Variants in MIR17HG observed in about 807,000 individuals in gnomAD.
MIR17HG encodes miR-17-92a-1 cluster host gene.
At chr13:91,352,720 A>G (rs1875379927) in intron 3 of MIR17HG, among the ~76,000 whole-genome samples, 1 of 152,244 alleles carries the variant, frequency 6.6e-6, no homozygotes, top group Non-Finnish European at 1.5e-5. Flanking sequence ...ATCAAATTGT[A>G]CATTAGCAGA....
At chr13:91,350,513 TGTTAGA>T (rs1267250692) in intron 3 of MIR17HG, 2 of 522,432 alleles carry the variant, frequency 3.8e-6, no homozygotes, top group Non-Finnish European at 7.9e-6. Context: ...GGTTTATAGT[TGTTAGA>T]GTTTGAGGTG....
At chr13:91,349,333 A>G (rs998556745) in intron 1 of MIR17HG, among the ~76,000 whole-genome samples, 1 of 151,896 alleles carries the variant, frequency 6.6e-6, no homozygotes, top group Admixed American at 6.6e-5. Context: ...GCTTGCAGCC[A>G]CGAGGTCTTG....
intron 1 of MIR17HG, among the ~76,000 whole-genome samples, chr13:91,348,357 C>G (rs1875076227): frequency 6.6e-6 from 1 of 150,656 alleles, no homozygotes; most frequent in Admixed American, 6.6e-5. Context: ...GGCGTGGGGT[C>G]TCTGGGTAGG....
intron 3 of MIR17HG, chr13:91,351,483 G>GA (rs1875311805): frequency 2.5e-6 from 1 of 407,376 alleles, no homozygotes; most frequent in African/African-American, 2.0e-5. Flanking sequence ...AAATATTAAA[G>GA]AAAATGTGTA....
In MIR17HG at chr13:91,348,039, C is replaced by T. The variant is rs544943770; in HGVS notation, n.140+80C>T. 1,370 of 150,668 alleles carry T rather than the reference C, an allele frequency of 9.1e-3. 8 individuals are homozygous for T. Among genetic ancestry groups the T allele is most frequent in the Non-Finnish European group, 0.016 (1,088 of 67,482 alleles). 9.3% of individuals were successfully genotyped at this position (150,668 alleles called of 1,614,324 possible). On this transcript the variant is annotated intron_variant and non_coding_transcript_variant, in intron 1 of 3. Transcript: ENST00000400282. Reference sequence around the variant, plus strand: ...GTCTGGCGGGCGGGGCGGAGCGGCCCGGGGCGGACTGGCCCGGGGCAGCGT... The same window carrying T: ...GTCTGGCGGGCGGGGCGGAGCGGCCTGGGGCGGACTGGCCCGGGGCAGCGT...
rs1342588495 is a variant in MIR17HG at position 91,348,143 on chromosome 13, G to T, written n.140+184G>T. Among the ~76,000 whole-genome samples the T allele has an allele frequency of 3.6e-5, 4 of 111,688 alleles. No homozygotes were observed. The South Asian group carries it at 1.3e-3, about 36-fold the overall frequency. 73.3% of individuals were successfully genotyped at this position (111,688 alleles called of 152,430 possible). ...GGCAGCCGCATCTGGCTGCCCCCTC[G>T]CTCGCCCGCGGGCCGGCGGAGGGGG... On this transcript the variant is annotated intron_variant and non_coding_transcript_variant, in intron 1 of 3. Coordinates refer to ENST00000400282, the Ensembl canonical transcript of MIR17HG.
chr13:91,349,180 C>T (rs1875148309), intron 1 of MIR17HG, among the ~76,000 whole-genome samples: 1 of 152,066 alleles, frequency 6.6e-6, no homozygotes, highest in Admixed American at 6.5e-5. Context: ...CTCGGGTGTT[C>T]CTGCCCGGTC....
intron 1 of MIR17HG, among the ~76,000 whole-genome samples, chr13:91,348,411 A>AGCGGCG (rs1053880380): frequency 2.0e-5 from 3 of 146,854 alleles, no homozygotes; most frequent in South Asian, 2.2e-4. Context: ...TCCAGAACAA[A>AGCGGCG]GCGGCGGCGG....
At chr13:91,347,793 G>A (rs1324664581), upstream of MIR17HG, 4 of 151,510 alleles carry the variant, frequency 2.6e-5, no homozygotes, top group Non-Finnish European at 1.5e-5. Flanking sequence ...GACTACCGCA[G>A]CGCCGCCGGG....
At chr13:91,353,270 A>G (rs752057822) in intron 3 of MIR17HG, among the ~76,000 whole-genome samples, 1 of 152,282 alleles carries the variant, frequency 6.6e-6, no homozygotes, top group Middle Eastern at 3.4e-3. Flanking sequence ...TCTAAAATGT[A>G]AGTCAAATAT....
At chr13:91,348,900 C>A (rs975648370) in intron 1 of MIR17HG, among the ~76,000 whole-genome samples, 2 of 149,106 alleles carry the variant, frequency 1.3e-5, no homozygotes, top group Non-Finnish European at 3.0e-5. Flanking sequence ...GGCCGCGGAG[C>A]CCCCGCCCCT....
At chr13:91,348,782 C>T (rs1330633238) in intron 1 of MIR17HG, among the ~76,000 whole-genome samples, 1 of 150,074 alleles carries the variant, frequency 6.7e-6, no homozygotes, top group East Asian at 2.0e-4. Flanking sequence ...CCGCCATGTT[C>T]CTGCGGGGCG....
exon 4 of MIR17HG, chr13:91,354,404 T>C (rs1218086740): frequency 1.3e-5 from 2 of 152,244 alleles, no homozygotes; most frequent in African/African-American, 4.8e-5. Context: ...AATTTTCTTA[T>C]CCAGTAATGT....
exon 4 of MIR17HG, chr13:91,354,298 A>G (rs1349301981): frequency 6.6e-6 from 1 of 152,198 alleles, no homozygotes; most frequent in Non-Finnish European, 1.5e-5. Context: ...TTCTGCCTTG[A>G]TAACATTTCA....
chr13:91,354,545 A>T lies in MIR17HG; in HGVS notation n.897A>T, dbSNP rs181824282. The T allele has an allele frequency of 1.3e-4, 20 of 152,330 alleles. No homozygotes were observed. In the South Asian group the frequency reaches 3.3e-3, roughly 25 times the overall value. The allele number at this position is 152,330 out of a possible 1,614,324, so 9.4% of individuals were successfully genotyped here. On this transcript the variant is annotated non_coding_transcript_exon_variant, in exon 4 of 4. Coordinates refer to ENST00000400282, the Ensembl canonical transcript of MIR17HG. ...TTAAAGCTGTTAAGAAATTGTCCAGAACGAGAATATTGAAATAAAAACTTC... is the reference window on the plus strand; with the variant it reads ...TTAAAGCTGTTAAGAAATTGTCCAGTACGAGAATATTGAAATAAAAACTTC...
intron 3 of MIR17HG, chr13:91,351,044 C>T (rs1165648379): frequency 3.8e-6 from 2 of 526,268 alleles, no homozygotes; most frequent in Non-Finnish European, 7.9e-6. Context: ...TCTGCCTGGT[C>T]TATCTGATGT....
At chr13:91,348,915 G>A (rs1257186010) in intron 1 of MIR17HG, among the ~76,000 whole-genome samples, 1 of 149,104 alleles carries the variant, frequency 6.7e-6, no homozygotes, top group South Asian at 2.1e-4. Flanking sequence ...GCCCCTCTGG[G>A]CCGGGCTCGG....
At chr13:91,348,619 C>A (rs1594011559) in intron 1 of MIR17HG, among the ~76,000 whole-genome samples, 1 of 151,056 alleles carries the variant, frequency 6.6e-6, no homozygotes, top group East Asian at 2.0e-4. Context: ...CCCGCGTGGG[C>A]AGCCTCGGGG....
intron 3 of MIR17HG, chr13:91,351,814 G>A (rs1388974198): frequency 1.9e-5 from 3 of 161,320 alleles, no homozygotes; most frequent in Non-Finnish European, 2.8e-5. Flanking sequence ...AATGTGTAAA[G>A]ATGAGTTTTT....
Sources: gnomAD v4.1 joint callset for allele counts (sites outside exome capture counted in the v4.1 genomes callset) on GRCh38, gnomAD v4.1.1 for gene constraint, MANE v1.5 for transcripts, NCBI Gene and HGNC (gene_info 2026-07-23, HGNC 2026-07-21) for gene names.